TRPM6: variants seen among roughly 807,000 people sequenced by gnomAD.
TRPM6 encodes transient receptor potential cation channel subfamily M member 6.
TRPM6 carries 111 observed loss-of-function variants against 247.6 expected under a neutral mutation model. The observed-to-expected ratio is 0.45, with a 90% CI of 0.38 to 0.52. The LOEUF is 0.52. TRPM6 is among the 20% of genes least tolerant of loss of function. The pLI is 0.00. For missense variants in TRPM6, 2,126 were observed against 2,421.5 expected (o/e 0.88, Z 2.56); for synonymous variants, 892 against 853.8 (o/e 1.04, Z -0.78).
chr9:74,848,466 T>G (rs1042525500), intron 3 of TRPM6, among the ~76,000 whole-genome samples: 1 of 152,220 alleles, frequency 6.6e-6, no homozygotes. Context: ...CATGCCACTC[T>G]GAATGGCACG....
At chr9:74,853,620 G>C (rs901671329) in intron 3 of TRPM6, among the ~76,000 whole-genome samples, 1 of 152,044 alleles carries the variant, frequency 6.6e-6, no homozygotes, top group Non-Finnish European at 1.5e-5. Flanking sequence ...GATTAAGGGC[G>C]GTGCAAGATG....
intron 31 of TRPM6, among the ~76,000 whole-genome samples, chr9:74,744,847 C>A (rs998476545): frequency 6.6e-6 from 1 of 152,178 alleles, no homozygotes; most frequent in South Asian, 2.1e-4. Flanking sequence ...GCAGAGTAAG[C>A]AGCATAATGA....
intron 25 of TRPM6, among the ~76,000 whole-genome samples, chr9:74,768,854 G>C (rs919336788): frequency 4.6e-5 from 7 of 151,882 alleles, no homozygotes; most frequent in Non-Finnish European, 1.0e-4. Flanking sequence ...TCCTTCCTTA[G>C]TTTATAGTTT....
chr9:74,812,160 A>C, intron 12 of TRPM6, 139 bp downstream of exon 12: 1 of 1,091,474 alleles, frequency 9.2e-7, no homozygotes, highest in South Asian at 1.4e-5. Context: ...CTGGAACTAG[A>C]TCCAGCTTCA....
chr9:74,884,665 T>G (rs1004283885), intron 1 of TRPM6, among the ~76,000 whole-genome samples: 3 of 152,184 alleles, frequency 2.0e-5, no homozygotes, highest in Non-Finnish European at 4.4e-5. Context: ...ATTTGTAGTA[T>G]TTGAATTATT....
chr9:74,801,985 G>C lies in TRPM6; in HGVS notation c.1922C>G (p.Ala641Gly). The change falls in exon 16 of 39, where the codon GCG (alanine) becomes GGG (glycine). Residue 641 changes from alanine to glycine, a missense_variant. By Grantham distance (60) the Ala-to-Gly change is moderately conservative. Transcript: ENST00000360774. ...GGCCATTGCCCGGTAGAGGATACACGCAATCACGGCTTTAACCGTGGCCTC... is the reference window on the plus strand; with the variant it reads ...GGCCATTGCCCGGTAGAGGATACACCCAATCACGGCTTTAACCGTGGCCTC... ...GEEATVKAVIACILYRAMAHE... is the reference protein window; with the variant it reads ...GEEATVKAVIGCILYRAMAHE... 6.2e-7 allele frequency: 1 copy of C among 1,614,182 alleles called. No homozygotes were observed. The highest frequency in any genetic ancestry group is 8.5e-7 in the Non-Finnish European group (1 of 1,180,038).
intron 24 of TRPM6, 139 bp downstream of exon 24, chr9:74,775,744 A>T: frequency 2.3e-6 from 2 of 875,826 alleles, no homozygotes; most frequent in Non-Finnish European, 3.8e-6. Flanking sequence ...TCAGACCCAG[A>T]GCATCAGCTG....
chr9:74,797,040 C>T (rs992903969), intron 17 of TRPM6, 147 bp from the exon 18 acceptor site: 11 of 742,516 alleles, frequency 1.5e-5, no homozygotes, highest in African/African-American at 3.5e-5. Context: ...AATTTTTTGA[C>T]TCGGCAACTT....
Position 74,738,624 on chromosome 9 carries a change from A to C in TRPM6, c.5571-12T>G. ...AAACTTCCAGGAACCTGTTAGGGAA[A>C]AAGAGGCCATTGATCCCCCACAATA... On this transcript the variant is annotated splice_polypyrimidine_tract_variant and intron_variant, in intron 35 of 38. Coordinates refer to ENST00000360774, the MANE Select transcript of TRPM6 (RefSeq NM_017662.5). 1 of 1,613,404 alleles carries C rather than the reference A, an allele frequency of 6.2e-7. No homozygotes were observed. Among genetic ancestry groups the C allele is most frequent in the Non-Finnish European group, 8.5e-7 (1 of 1,179,430 alleles).
intron 18 of TRPM6, among the ~76,000 whole-genome samples, chr9:74,794,117 A>C (rs754207257): frequency 6.6e-6 from 1 of 152,228 alleles, no homozygotes; most frequent in African/African-American, 2.4e-5. Context: ...AGCAAAAGCG[A>C]TATCACTCTA....
intron 27 of TRPM6, among the ~76,000 whole-genome samples, chr9:74,758,122 A>G (rs1051169118): frequency 1.3e-5 from 2 of 152,242 alleles, no homozygotes; most frequent in Non-Finnish European, 2.9e-5. Context: ...AAATAGCTCT[A>G]TATCTATTAC....
At chr9:74,845,757 G>A (rs913474259) in intron 3 of TRPM6, among the ~76,000 whole-genome samples, 3 of 152,154 alleles carry the variant, frequency 2.0e-5, no homozygotes, top group African/African-American at 7.2e-5. Flanking sequence ...AGCCTGGGAG[G>A]CAGAGGCTGC....
intron 6 of TRPM6, among the ~76,000 whole-genome samples, chr9:74,831,032 C>T (rs2118095503): frequency 6.6e-6 from 1 of 152,160 alleles, no homozygotes; most frequent in East Asian, 1.9e-4. Context: ...CAAAGATTTA[C>T]ATATCTTATC....
At chr9:74,796,367 A>C (rs1030842127) in intron 18 of TRPM6, among the ~76,000 whole-genome samples, 7 of 152,208 alleles carry the variant, frequency 4.6e-5, no homozygotes, top group Non-Finnish European at 1.5e-5. Flanking sequence ...AACCTCTAGC[A>C]CATGTAAAGT....
At chr9:74,801,243 A>ATTTTTTTTTTTTTTTTTTTT (rs59490187) in intron 16 of TRPM6, among the ~76,000 whole-genome samples, 3 of 85,252 alleles carry the variant, frequency 3.5e-5, no homozygotes, top group Non-Finnish European at 2.1e-5. Flanking sequence ...AAGCCTGGGA[A>ATTTTTTTTTTTTTTTTTTTT]TTTTTTTTTT....
intron 14 of TRPM6, chr9:74,804,852 G>A (rs1049684937): frequency 4.7e-6 from 2 of 423,252 alleles, no homozygotes; most frequent in African/African-American, 2.0e-5. Context: ...AAAAAGAAAA[G>A]TCCGAAGCAC....
intron 38 of TRPM6, 25 bp downstream of exon 38, chr9:74,728,214 G>C: frequency 1.3e-6 from 2 of 1,537,848 alleles, no homozygotes; most frequent in Non-Finnish European, 1.8e-6. Flanking sequence ...TTTACTTAGA[G>C]AAAAAAGAAC....
At chr9:74,846,112 C>T (rs1368473036) in intron 3 of TRPM6, among the ~76,000 whole-genome samples, 1 of 152,142 alleles carries the variant, frequency 6.6e-6, no homozygotes, top group Non-Finnish European at 1.5e-5. Context: ...TAATTGAGTA[C>T]AGTTCCTACT....
At chr9:74,827,518 C>T (rs1225341193) in intron 7 of TRPM6, among the ~76,000 whole-genome samples, 1 of 151,726 alleles carries the variant, frequency 6.6e-6, no homozygotes, top group Non-Finnish European at 1.5e-5. Context: ...TTGTGGATGA[C>T]AGTTGAGAGA....
Sources: allele counts gnomAD v4.1 joint callset (sites outside exome capture counted in the v4.1 genomes callset), GRCh38; gene constraint gnomAD v4.1.1; transcripts MANE v1.5; gene names NCBI Gene and HGNC (gene_info 2026-07-23, HGNC 2026-07-21).